The following MYO3B variants were observed in gnomAD, a reference collection of about 807,000 sequenced individuals.
MYO3B encodes myosin IIIB.
In MYO3B, 156 loss-of-function variants were observed where a neutral mutation model predicts 174.6. The ratio of observed to expected loss-of-function variants is 0.89; its 90% CI spans 0.78 to 1.02. The LOEUF (loss-of-function observed/expected upper bound fraction) is 1.02, where lower values mean the gene tolerates loss of function less well. Ranked by LOEUF, MYO3B falls within the 50% of genes least tolerant of loss-of-function variation. The pLI is 0.00. For synonymous variants in MYO3B, 563 were observed against 569.1 expected, an observed-to-expected ratio of 0.99 and a Z score of 0.15; for missense variants, 1,632 against 1,639.4, an observed-to-expected ratio of 1.00 and a Z score of 0.08.
At chr2:170,363,054 T>C (rs1171469392) in intron 8 of MYO3B, among the ~76,000 whole-genome samples, 1 of 152,158 alleles carries the variant, frequency 6.6e-6, no homozygotes, top group African/African-American at 2.4e-5. Flanking sequence ...TGTTTGACGA[T>C]GATAGCAACC....
At chr2:170,584,976 G>A (rs1403653463) in intron 32 of MYO3B, among the ~76,000 whole-genome samples, 5 of 152,198 alleles carry the variant, frequency 3.3e-5, no homozygotes. Flanking sequence ...TCATGCTATT[G>A]ACTGTTATTC....
intron 32 of MYO3B, among the ~76,000 whole-genome samples, chr2:170,624,598 C>A (rs1049200215): frequency 6.6e-6 from 1 of 152,146 alleles, no homozygotes; most frequent in Non-Finnish European, 1.5e-5. Context: ...ACTTCCAACA[C>A]TATGTTGGAT....
intron 32 of MYO3B, among the ~76,000 whole-genome samples, chr2:170,629,163 A>T (rs73013522): frequency 6.6e-6 from 1 of 152,260 alleles, no homozygotes; most frequent in Non-Finnish European, 1.5e-5. Context: ...CAGTATGGGC[A>T]TAAACTGTCA....
At chr2:170,223,639 T>A (rs968624735) in intron 6 of MYO3B, among the ~76,000 whole-genome samples, 8 of 152,192 alleles carry the variant, frequency 5.3e-5, no homozygotes, top group African/African-American at 1.4e-4. Context: ...ACATGCCAGG[T>A]AATATCCTGG....
In MYO3B at chr2:170,294,745, T is replaced by C. The variant is rs184309567; in HGVS notation, c.750-40640T>C. Among the ~76,000 whole-genome samples, 785 of 152,246 alleles carry C rather than the reference T, an allele frequency of 5.2e-3. 4 individuals are homozygous for C. Among genetic ancestry groups the C allele is most frequent in the Non-Finnish European group, 8.0e-3 (543 of 67,980 alleles). The stretch of plus-strand genomic sequence containing the variant: ...GTCATTATAAATTTGTCTAAACCCA[T>C]AGAATGTACAACACCAAGATTGAAC... On this transcript the variant is annotated intron_variant, in intron 7 of 34. Coordinates refer to ENST00000408978, the MANE Select transcript of MYO3B (RefSeq NM_138995.5).
chr2:170,251,799 C>T (rs1292554784), intron 7 of MYO3B, among the ~76,000 whole-genome samples: 1 of 152,176 alleles, frequency 6.6e-6, no homozygotes, highest in Middle Eastern at 3.2e-3. Context: ...AACTATGGTC[C>T]ATTGCTCTGG....
intron 6 of MYO3B, among the ~76,000 whole-genome samples, chr2:170,227,293 G>C (rs2092961666): frequency 6.6e-6 from 1 of 152,104 alleles, no homozygotes; most frequent in Non-Finnish European, 1.5e-5. Context: ...TTTGTGAGGG[G>C]AAGTGGGGGG....
At chr2:170,236,158 T>C in intron 7 of MYO3B, 22 bp downstream of exon 7, 1 of 1,614,104 alleles carries the variant, frequency 6.2e-7, no homozygotes, top group Non-Finnish European at 8.5e-7. Context: ...GATGGCGCTC[T>C]TGACTCATTA....
rs1352565140 is a variant in MYO3B, at chr2:170,649,257, TATATA to T, written c.3734-2365_3734-2361del. Among the ~76,000 whole-genome samples the T allele has an allele frequency of 9.7e-5, 6 of 62,168 alleles. 1 individual carries two copies. Among genetic ancestry groups the T allele is most frequent in the South Asian group, 4.2e-4 (1 of 2,358 alleles). 40.8% of individuals were successfully genotyped at this position (62,168 alleles called of 152,430 possible). A position where few individuals can be genotyped will look rare whatever the true frequency, so the allele number is the denominator to read the frequency against. On this transcript the variant is annotated intron_variant, in intron 32 of 34. Coordinates refer to ENST00000408978, the MANE Select transcript of MYO3B (RefSeq NM_138995.5). The stretch of plus-strand genomic sequence containing the variant: ...ATAATATATATTATATATAAAATAA[TATATA>T]ATATATTATATATAAAATAATATAT...
chr2:170,589,129 A>C (rs1240838039), intron 32 of MYO3B, among the ~76,000 whole-genome samples: 2 of 152,098 alleles, frequency 1.3e-5, no homozygotes, highest in Non-Finnish European at 2.9e-5. Context: ...AAAAAGAAGA[A>C]TCCCCAAGAA....
intron 32 of MYO3B, among the ~76,000 whole-genome samples, chr2:170,558,850 T>C (rs1449961586): frequency 6.6e-6 from 1 of 152,236 alleles, no homozygotes; most frequent in Non-Finnish European, 1.5e-5. Context: ...TTGGTCAAGT[T>C]AACTTAATCT....
chr2:170,524,360 T>C (rs76646609), intron 30 of MYO3B: 4,205 of 338,642 alleles, frequency 0.012, 173 homozygotes, highest in African/African-American at 0.086. Context: ...AATCACTGGG[T>C]TATGCAGGGT....
At chr2:170,346,356 C>A (rs754273829) in intron 8 of MYO3B, 3 of 151,918 alleles carry the variant, frequency 2.0e-5, no homozygotes, top group Non-Finnish European at 2.9e-5. Flanking sequence ...TATGTGTGGT[C>A]GAAGACAATT....
intron 28 of MYO3B, among the ~76,000 whole-genome samples, chr2:170,511,850 C>G (rs927424163): frequency 2.0e-5 from 3 of 152,142 alleles, no homozygotes; most frequent in Admixed American, 2.0e-4. Flanking sequence ...TTAACACAGC[C>G]ACAAGAAGCA....
intron 22 of MYO3B, among the ~76,000 whole-genome samples, chr2:170,422,963 A>G (rs1379973012): frequency 5.0e-5 from 6 of 119,498 alleles, no homozygotes; most frequent in African/African-American, 6.5e-5. Context: ...TAGACCAACC[A>G]TATTTCTTTC....
chr2:170,396,394 A>C (rs2105780998), intron 16 of MYO3B, among the ~76,000 whole-genome samples: 1 of 152,228 alleles, frequency 6.6e-6, no homozygotes, highest in Admixed American at 6.6e-5. Context: ...CATGAGTGTA[A>C]CTGATGTTTT....
Position 170,326,332 on chromosome 2 carries a change from A to T in MYO3B, c.750-9053A>T, listed in dbSNP as rs573919123. 4.5e-4 allele frequency among the ~76,000 whole-genome samples: 69 copies of T among 152,190 alleles called. 2 individuals are homozygous for T. In the South Asian group the frequency reaches 0.011, roughly 24 times the overall value. The stretch of plus-strand genomic sequence containing the variant: ...TCTCTTTAAAATAATAATTTTTTTA[A>T]AAAAATTATGCATTTACAAATGTGT... On this transcript the variant is annotated intron_variant, in intron 7 of 34. Transcript: ENST00000408978.
intron 23 of MYO3B, among the ~76,000 whole-genome samples, chr2:170,458,983 T>A (rs1186095685): frequency 2.6e-5 from 4 of 152,160 alleles, no homozygotes; most frequent in Admixed American, 2.0e-4. Flanking sequence ...TTAAAGATGG[T>A]GTGTCCAGAG....
At chr2:170,385,500 T>C (rs2094367124) in intron 12 of MYO3B, among the ~76,000 whole-genome samples, 1 of 152,188 alleles carries the variant, frequency 6.6e-6, no homozygotes, top group South Asian at 2.1e-4. Context: ...AGACCCAATA[T>C]ATAATTTTTA....
Sources: allele counts gnomAD v4.1 joint callset (sites outside exome capture counted in the v4.1 genomes callset), GRCh38; gene constraint gnomAD v4.1.1; transcripts MANE v1.5; gene names NCBI Gene and HGNC (gene_info 2026-07-23, HGNC 2026-07-21).